ZBBX: variants seen among roughly 807,000 people sequenced by gnomAD.
The protein encoded by ZBBX is zinc finger B-box domain containing.
Under a neutral mutation model 108.5 loss-of-function variants are expected in ZBBX, and 101 were observed. The ratio of observed to expected loss-of-function variants is 0.93; its 90% CI spans 0.79 to 1.10. The LOEUF (loss-of-function observed/expected upper bound fraction) is 1.10, where lower values mean the gene tolerates loss of function less well. Among genes scored for constraint, ZBBX ranks in the 50% least tolerant of loss-of-function variants. ZBBX has a pLI of 0.00. For synonymous variants in ZBBX, 356 were observed against 323.4 expected, an observed-to-expected ratio of 1.10 and a Z score of -1.08; for missense variants, 1,009 against 941.4, an observed-to-expected ratio of 1.07 and a Z score of -0.94.
At chr3:167,245,513 T>C (rs1260953752) in intron 20 of ZBBX, among the ~76,000 whole-genome samples, 1 of 152,086 alleles carries the variant, frequency 6.6e-6, no homozygotes, top group African/African-American at 2.4e-5. Flanking sequence ...TCTTAAGTGG[T>C]GATATGGTTT....
chr3:167,227,629 G>A, the ZBBX span, among the ~76,000 whole-genome samples: 4 of 151,754 alleles, frequency 2.6e-5, no homozygotes, highest in African/African-American at 9.7e-5. Flanking sequence ...GAAAGGCATG[G>A]CCTCTTTCCA....
At chr3:167,254,887 T>TGAGAGAGAGAGAATGAGA (rs1723205807) in intron 20 of ZBBX, among the ~76,000 whole-genome samples, 2 of 141,236 alleles carry the variant, frequency 1.4e-5, no homozygotes, top group Non-Finnish European at 3.1e-5. Context: ...TGTGTGTGTG[T>TGAGAGAGAGAGAATGAGA]GAGAGAGAGA....
intron 16 of ZBBX, among the ~76,000 whole-genome samples, chr3:167,310,598 G>T (rs1410705759): frequency 6.6e-6 from 1 of 152,058 alleles, no homozygotes; most frequent in Admixed American, 6.6e-5. Context: ...GAGGGCTGGG[G>T]ATCTGCCACA....
chr3:167,363,178 GATAAAAATA>G (rs1220926655), intron 6 of ZBBX, among the ~76,000 whole-genome samples: 1 of 151,848 alleles, frequency 6.6e-6, no homozygotes, highest in East Asian at 1.9e-4. Flanking sequence ...GTACCACTGT[GATAAAAATA>G]ATACTATAGA....
At chr3:167,405,463 G>A (rs142918967) in intron 1 of ZBBX, among the ~76,000 whole-genome samples, 69 of 152,320 alleles carry the variant, frequency 4.5e-4, no homozygotes, top group Admixed American at 2.0e-3. Context: ...AGCGAGATAA[G>A]TGGTACAGAA....
At position 167,289,587 on chromosome 3, in the gene ZBBX, G is replaced by A. The variant is rs147362553; in HGVS notation, c.1880-604C>T. Among the ~76,000 whole-genome samples, 1,364 of 152,288 alleles carry A rather than the reference G, an allele frequency of 9.0e-3. 28 individuals are homozygous for A. Among genetic ancestry groups the A allele is most frequent in the African/African-American group, 0.031 (1,276 of 41,556 alleles). On this transcript the variant is annotated intron_variant, in intron 18 of 21. Coordinates refer to ENST00000675490, the MANE Select transcript of ZBBX (RefSeq NM_001199201.2). ...CTGGCTCGGATACTGTGCTTTTCCCGTGGTCTTCGCAACCCTCAGACCAGG... is the reference window on the plus strand; with the variant it reads ...CTGGCTCGGATACTGTGCTTTTCCCATGGTCTTCGCAACCCTCAGACCAGG...
At chr3:167,304,652 T>C (rs1269213777) in intron 17 of ZBBX, among the ~76,000 whole-genome samples, 1 of 152,166 alleles carries the variant, frequency 6.6e-6, no homozygotes, top group African/African-American at 2.4e-5. Flanking sequence ...GGTATGTATA[T>C]CCAAACCTAT....
At chr3:167,359,506 A>C (rs1306376046) in intron 8 of ZBBX, among the ~76,000 whole-genome samples, 3 of 152,144 alleles carry the variant, frequency 2.0e-5, no homozygotes, top group African/African-American at 7.2e-5. Flanking sequence ...TTTTACAATA[A>C]TGGGGTGCAG....
At chr3:167,296,240 A>G (rs1239369290) in intron 18 of ZBBX, among the ~76,000 whole-genome samples, 2 of 152,090 alleles carry the variant, frequency 1.3e-5, no homozygotes, top group Admixed American at 6.6e-5. Context: ...TAGGAATAAA[A>G]GGGAAATGCC....
intron 17 of ZBBX, among the ~76,000 whole-genome samples, chr3:167,301,679 C>A (rs767434358): frequency 2.6e-5 from 4 of 152,084 alleles, no homozygotes; most frequent in African/African-American, 7.2e-5. Flanking sequence ...CATATTTGGA[C>A]GGGCGCAGTG....
intron 17 of ZBBX, among the ~76,000 whole-genome samples, chr3:167,302,730 C>G (rs1219457791): frequency 1.3e-5 from 2 of 152,180 alleles, no homozygotes; most frequent in Non-Finnish European, 2.9e-5. Context: ...GACTTTATCA[C>G]TCACAACAAT....
At chr3:167,343,768 T>C (rs1236951428) in intron 9 of ZBBX, among the ~76,000 whole-genome samples, 1 of 151,908 alleles carries the variant, frequency 6.6e-6, no homozygotes, top group Admixed American at 6.6e-5. Flanking sequence ...ACATGGCTGA[T>C]TGGAATGCAA....
intron 9 of ZBBX, among the ~76,000 whole-genome samples, chr3:167,341,075 C>G (rs908100999): frequency 4.6e-5 from 7 of 151,850 alleles, no homozygotes. Flanking sequence ...ATTGCTTATT[C>G]CAACATCATG....
chr3:167,220,184 C>G, the ZBBX span, among the ~76,000 whole-genome samples: 1 of 151,904 alleles, frequency 6.6e-6, no homozygotes, highest in African/African-American at 2.4e-5. Flanking sequence ...CAATTCTGCT[C>G]AAACAATTCT....
intron 10 of ZBBX, among the ~76,000 whole-genome samples, chr3:167,331,237 A>C (rs968425603): frequency 1.3e-5 from 2 of 152,146 alleles, no homozygotes. Context: ...ATACTACAGA[A>C]AATAACTGCC....
At chr3:167,246,150 T>C (rs1367622305) in intron 20 of ZBBX, among the ~76,000 whole-genome samples, 1 of 152,214 alleles carries the variant, frequency 6.6e-6, no homozygotes, top group Non-Finnish European at 1.5e-5. Flanking sequence ...CAATATCACA[T>C]ATAAAAGCAA....
chr3:167,274,275 T>A (rs373534670), intron 20 of ZBBX, among the ~76,000 whole-genome samples: 2 of 152,312 alleles, frequency 1.3e-5, no homozygotes, highest in East Asian at 3.9e-4. Flanking sequence ...ATGGCCCCAA[T>A]CTTCACTTCT....
chr3:167,359,897 TC>T lies in ZBBX; in HGVS notation c.404del (p.Gly135AspfsTer33). On this transcript the variant is annotated frameshift_variant, in exon 8 of 22. Coordinates refer to ENST00000675490, the MANE Select transcript of ZBBX (RefSeq NM_001199201.2). LOFTEE classifies it high-confidence loss of function. The stretch of plus-strand genomic sequence containing the variant: ...GTAGAGCAGCTTTGTTCTCACACTG[TC>T]CACATACTTTCCCATTTATCTTGGG... ...EKPKINGKVC[G>X]QCENKAALLV... The T allele has an allele frequency of 6.4e-7, 1 of 1,561,720 alleles. No individual in the cohort carries two copies. Among genetic ancestry groups the T allele is most frequent in the Non-Finnish European group, 8.7e-7 (1 of 1,148,226 alleles).
At chr3:167,235,585 C>A (rs114896025), downstream of ZBBX, among the ~76,000 whole-genome samples, 2,022 of 151,388 alleles carry the variant, frequency 0.013, 22 homozygotes, top group South Asian at 0.026. Context: ...TTCCTTCTGG[C>A]AGAAGAGCAT....
Sources: gnomAD v4.1 joint callset for allele counts (sites outside exome capture counted in the v4.1 genomes callset) on GRCh38, gnomAD v4.1.1 for gene constraint, MANE v1.5 for transcripts, NCBI Gene and HGNC (gene_info 2026-07-23, HGNC 2026-07-21) for gene names.